OTOG: variants seen among roughly 807,000 people sequenced by gnomAD.
OTOG encodes otogelin.
Under a neutral mutation model 313.8 loss-of-function variants are expected in OTOG, and 296 were observed. That is an observed-to-expected ratio of 0.94 (90% CI 0.86 to 1.04). OTOG has a LOEUF of 1.04. OTOG is among the 50% of genes least tolerant of loss of function. OTOG has a pLI of 0.00. For missense variants in OTOG, 3,948 were observed against 3,840.1 expected (o/e 1.03, Z -0.74); for synonymous variants, 1,533 against 1,554.9 (o/e 0.99, Z 0.33).
At position 17,609,675 on chromosome 11, in the gene OTOG, G is replaced by A. The variant is rs1245549972; in HGVS notation, c.4375G>A (p.Val1459Ile). ...LEDCVEPAVW[V>I]PTEALGNETL... ...CGCAGGTGTGGAGCCAGCAGTTTGG[G>A]TTCCCACAGAGGCCCTTGGCAATGA... Residue 1459 changes from valine to isoleucine, a missense_variant, in exon 36 of 56, where the codon GTT becomes ATT. By Grantham distance (29) the Val-to-Ile change is conservative (BLOSUM62 3). Transcript: ENST00000399397. 5.3e-6 allele frequency: 8 copies of A among 1,498,168 alleles called. No homozygotes were observed. In the African/African-American group the frequency reaches 9.8e-5, roughly 18 times the overall value. The allele number at this position is 1,498,168 out of a possible 1,614,324, so 92.8% of individuals were successfully genotyped here. A position where few individuals can be genotyped will look rare whatever the true frequency, so the allele number is the denominator to read the frequency against.
At chr11:17,625,594 C>T (rs1262358461) in intron 39 of OTOG, among the ~76,000 whole-genome samples, 1 of 152,052 alleles carries the variant, frequency 6.6e-6, no homozygotes, top group Non-Finnish European at 1.5e-5. Context: ...CTGTTCATGT[C>T]TTCTTTTGAG....
chr11:17,609,010 AGCACATGTGTGCAC>A (rs1342074366), intron 34 of OTOG, 106 bp from the exon 35 acceptor site: 3 of 748,068 alleles, frequency 4.0e-6, no homozygotes, highest in Non-Finnish European at 6.7e-6. Flanking sequence ...ACACGTAATA[AGCACATGTGTGCAC>A]GCACATGTGT....
chr11:17,618,698 C>A (rs892791717), intron 39 of OTOG, among the ~76,000 whole-genome samples: 22 of 152,200 alleles, frequency 1.4e-4, no homozygotes, highest in African/African-American at 4.8e-4. Context: ...GGAGTTTTAT[C>A]AGTTTTTTTA....
rs1436102871 is a variant in OTOG, at chr11:17,640,840, G to A, written c.8011+20G>A. The A allele has an allele frequency of 1.3e-6, 2 of 1,550,204 alleles. No individual in the cohort carries two copies. The highest frequency in any genetic ancestry group is 8.7e-7 in the Non-Finnish European group (1 of 1,146,996). ...AGTGTGGTGAGTGGGGGAAGCCTCG[G>A]GGCAGAGCCATGCAGGAGGGGCATG... On this transcript the variant is annotated intron_variant, in intron 50 of 55. Coordinates refer to ENST00000399397, the MANE Select transcript of OTOG (RefSeq NM_001292063.2).
At chr11:17,561,215 C>T (rs1228735261) in intron 14 of OTOG, 78 bp downstream of exon 14, 2 of 1,495,254 alleles carry the variant, frequency 1.3e-6, no homozygotes, top group African/African-American at 2.8e-5. Flanking sequence ...CTCTGGGGGC[C>T]AGGCTTGCTG....
At chr11:17,612,839 A>C (rs747688631) in intron 38 of OTOG, 74 bp downstream of exon 38, 117 of 1,472,962 alleles carry the variant, frequency 7.9e-5, no homozygotes, top group Non-Finnish European at 5.7e-5. Context: ...CGGAGCAGTG[A>C]GCCAGGGTAC....
chr11:17,559,620 G>T lies in OTOG; in HGVS notation c.1300G>T (p.Asp434Tyr), dbSNP rs1378612394. 6.4e-7 allele frequency: 1 copy of T among 1,550,942 alleles called. No individual in the cohort carries two copies. Among genetic ancestry groups the T allele is most frequent in the Non-Finnish European group, 8.7e-7 (1 of 1,147,076 alleles). Residue 434 changes from aspartate to tyrosine, a missense_variant, in exon 12 of 56, where the codon GAC becomes TAC. Physicochemically the swap from Asp to Tyr is radical, Grantham distance 160. Coordinates refer to ENST00000399397, the MANE Select transcript of OTOG (RefSeq NM_001292063.2). Reference sequence around the variant, plus strand: ...CTGCCATCCCCGGGCATCCTGTGTGGACAGTGAGATCGCCTGTGTGGACGG... The same window carrying T: ...CTGCCATCCCCGGGCATCCTGTGTGTACAGTGAGATCGCCTGTGTGGACGG... Reference protein sequence around the residue: ...ASCHPRASCVDSEIACVDGCY... With the variant: ...ASCHPRASCVYSEIACVDGCY...
intron 49 of OTOG, among the ~76,000 whole-genome samples, chr11:17,639,685 AATGAAGATGAAAATTATC>A (rs1352213878): frequency 2.0e-5 from 3 of 152,206 alleles, no homozygotes; most frequent in Non-Finnish European, 4.4e-5. Context: ...GATTAAGTAC[AATGAAGATGAAAATTATC>A]ATGAAGATGA....
intron 31 of OTOG, among the ~76,000 whole-genome samples, chr11:17,600,254 A>G (rs1853216271): frequency 6.7e-6 from 1 of 148,698 alleles, no homozygotes; most frequent in Non-Finnish European, 1.5e-5. Context: ...TGTCCAGTTT[A>G]GAGCCAATTC....
Position 17,559,163 on chromosome 11 carries a change from T to TA in OTOG, c.1213+3dup, listed in dbSNP as rs1253765407. 4.0e-5 allele frequency: 61 copies of TA among 1,535,190 alleles called. No individual in the cohort carries two copies. The highest frequency in any genetic ancestry group is 5.0e-5 in the Non-Finnish European group (57 of 1,145,262). On this transcript the variant is annotated splice_region_variant and intron_variant, in intron 11 of 55. Transcript: ENST00000399397. Reference sequence around the variant, plus strand: ...GGAGGACCCAGCTCCGGCAATGCAGTAGGTGCAGCCCAGTAGTGGGGCAGG... The same window carrying TA: ...GGAGGACCCAGCTCCGGCAATGCAGTAAGGTGCAGCCCAGTAGTGGGGCAGG...
At chr11:17,641,753 C>G in intron 51 of OTOG, 94 bp from the exon 52 acceptor site, 2 of 905,158 alleles carry the variant, frequency 2.2e-6, no homozygotes, top group Non-Finnish European at 3.3e-6. Context: ...GAGGGTCCTT[C>G]CAGGCTCTGG....
At chr11:17,611,592 C>T (rs776289095) in intron 36 of OTOG, among the ~76,000 whole-genome samples, 169 bp downstream of exon 36, 9 of 152,246 alleles carry the variant, frequency 5.9e-5, no homozygotes, top group South Asian at 2.1e-4. Context: ...AGCAGGGTTC[C>T]GCCTGGCCCA....
chr11:17,616,094 C>G (rs1439137262), intron 39 of OTOG, among the ~76,000 whole-genome samples: 1 of 151,990 alleles, frequency 6.6e-6, no homozygotes, highest in Non-Finnish European at 1.5e-5. Context: ...GGGTCTTTCC[C>G]TATCATCTAG....
At chr11:17,609,000 A>C (rs1853458179) in intron 34 of OTOG, 130 bp from the exon 35 acceptor site, 1 of 698,830 alleles carries the variant, frequency 1.4e-6, no homozygotes, top group Admixed American at 2.6e-5. Context: ...ATGTGTGTGT[A>C]CACGTAATAA....
At chr11:17,627,069 A>AT (rs1449432140) in intron 39 of OTOG, among the ~76,000 whole-genome samples, 1 of 152,194 alleles carries the variant, frequency 6.6e-6, no homozygotes, top group Non-Finnish European at 1.5e-5. Context: ...TGCAAACAGG[A>AT]TAATTTAACT....
intron 46 of OTOG, 30 bp downstream of exon 46, chr11:17,635,217 C>A: frequency 6.6e-7 from 1 of 1,507,296 alleles, no homozygotes; most frequent in Non-Finnish European, 8.9e-7. Context: ...CGCCAGCGCA[C>A]ACAGCCTGAT....
chr11:17,645,824 C>T lies in OTOG; in HGVS notation c.8622C>T (p.Cys2874=), dbSNP rs944462933. 5 of 1,550,914 alleles carry T rather than the reference C, an allele frequency of 3.2e-6. No individual in the cohort carries two copies. The African/African-American group carries it at 6.8e-5, about 21-fold the overall frequency. Residue 2874 remains cysteine (C), a synonymous_variant, in exon 56 of 56, where the codon TGC becomes TGT. Transcript: ENST00000399397. ...NYNINTYARF[C]KCCREVGLQR... is the part of the protein sequence containing the mutation. The stretch of plus-strand genomic sequence containing the variant: ...ACATCAACACCTATGCCCGATTCTG[C>T]AAGTGCTGCCGTGAGGTGGGCCTGC...
chr11:17,612,732 C>A lies in OTOG; in HGVS notation c.6405C>A (p.Thr2135=). The A allele has an allele frequency of 1.3e-6, 2 of 1,550,598 alleles. No homozygotes were observed. Among genetic ancestry groups the A allele is most frequent in the Non-Finnish European group, 1.7e-6 (2 of 1,146,978 alleles). ...GCCAGAGCCCAGATGAAATGCTCAC[C>A]GTCCATGTACTGGACTGCAAAAGTG... ...ILSQSPDEML[T]VHVLDCKSAN... The change falls in exon 38 of 56, where the codon ACC becomes ACA. Residue 2135 remains threonine, a synonymous_variant. Coordinates refer to ENST00000399397, the MANE Select transcript of OTOG (RefSeq NM_001292063.2).
rs962287941 is a variant in OTOG, at chr11:17,558,587, G to T, written c.1046G>T (p.Cys349Phe). The stretch of plus-strand genomic sequence containing the variant: ...CTACTGCGGCCCCCCTTTGACGCCT[G>T]CCACGCCTACGTCAGCCCTCTGCCC... ...EALLRPPFDACHAYVSPLPFT... is the reference protein window; with the variant it reads ...EALLRPPFDAFHAYVSPLPFT... The change falls in exon 10 of 56, where the codon TGC becomes TTC. Residue 349 changes from cysteine (C) to phenylalanine (F), a missense_variant. By Grantham distance (205) the Cys-to-Phe change is radical. Transcript: ENST00000399397. 6.4e-7 allele frequency: 1 copy of T among 1,550,418 alleles called. No homozygotes were observed. Among genetic ancestry groups the T allele is most frequent in the Non-Finnish European group, 8.7e-7 (1 of 1,147,004 alleles).
Sources: allele counts gnomAD v4.1 joint callset (sites outside exome capture counted in the v4.1 genomes callset), GRCh38; gene constraint gnomAD v4.1.1; transcripts MANE v1.5; gene names NCBI Gene and HGNC (gene_info 2026-07-23, HGNC 2026-07-21).